TTC28: variants seen among roughly 807,000 people sequenced by gnomAD.
TTC28 encodes the protein tetratricopeptide repeat protein 28.
In TTC28, 61 loss-of-function variants were observed where a neutral mutation model predicts 198.0. That is an observed-to-expected ratio of 0.31 (90% CI 0.25 to 0.38). TTC28 has a LOEUF of 0.38. Among genes scored for constraint, TTC28 ranks in the 10% least tolerant of loss-of-function variants. The pLI is 1.00. For synonymous variants in TTC28, 1,171 were observed against 1,297.8 expected, an observed-to-expected ratio of 0.90 and a Z score of 2.10; for missense variants, 2,678 against 3,164.0, an observed-to-expected ratio of 0.85 and a Z score of 3.69.
chr22:28,350,825 C>T (rs778209593), intron 2 of TTC28, among the ~76,000 whole-genome samples: 1 of 152,170 alleles, frequency 6.6e-6, no homozygotes, highest in Non-Finnish European at 1.5e-5. Flanking sequence ...TCTATGCACA[C>T]ATAGAAAACC....
At chr22:28,521,468 G>A (rs893146760) in intron 2 of TTC28, among the ~76,000 whole-genome samples, 6 of 152,056 alleles carry the variant, frequency 3.9e-5, no homozygotes, top group Admixed American at 1.3e-4. Flanking sequence ...AAGCAGCTAC[G>A]ATTAGAAAAG....
intron 2 of TTC28, among the ~76,000 whole-genome samples, chr22:28,540,930 C>T (rs933368430): frequency 6.6e-6 from 1 of 152,166 alleles, no homozygotes. Context: ...CAAATGGAAT[C>T]ATCTCACTCC....
chr22:28,451,735 A>G (rs117010837), intron 2 of TTC28, among the ~76,000 whole-genome samples: 2,198 of 152,292 alleles, frequency 0.014, 31 homozygotes, highest in Non-Finnish European at 0.02. Flanking sequence ...TAACAATGCT[A>G]TGACTATGTT....
At chr22:28,442,955 G>C (rs936334963) in intron 2 of TTC28, 1 of 152,628 alleles carries the variant, frequency 6.6e-6, no homozygotes, top group African/African-American at 2.4e-5. Flanking sequence ...GTTGGCTGGG[G>C]GCTGGGGGCA....
At chr22:28,257,244 T>A (rs1040822533) in intron 5 of TTC28, among the ~76,000 whole-genome samples, 3 of 152,124 alleles carry the variant, frequency 2.0e-5, no homozygotes, top group African/African-American at 7.2e-5. Flanking sequence ...GTAATCCCAC[T>A]ATTGGGTATA....
chr22:28,398,974 G>C (rs2046858406), intron 2 of TTC28, among the ~76,000 whole-genome samples: 2 of 150,410 alleles, frequency 1.3e-5, no homozygotes, highest in Admixed American at 1.3e-4. Context: ...CTTAAACATG[G>C]ACTACAGAAA....
At chr22:28,419,413 T>G (rs1418138176) in intron 2 of TTC28, among the ~76,000 whole-genome samples, 1 of 152,208 alleles carries the variant, frequency 6.6e-6, no homozygotes, top group Non-Finnish European at 1.5e-5. Flanking sequence ...TTAACCTCTT[T>G]AATAAATAAA....
chr22:28,120,870 G>GA (rs3091351), intron 6 of TTC28, among the ~76,000 whole-genome samples: 10,915 of 152,204 alleles, frequency 0.072, 454 homozygotes, highest in South Asian at 0.094. Context: ...ACACTGGATG[G>GA]AAATTCAAAC....
intron 2 of TTC28, among the ~76,000 whole-genome samples, chr22:28,513,794 T>C (rs1259709025): frequency 2.6e-5 from 4 of 152,124 alleles, no homozygotes; most frequent in African/African-American, 9.7e-5. Context: ...ATGTTTCTTA[T>C]ATGTATATAT....
At chr22:28,396,562 C>A (rs187705401) in intron 2 of TTC28, among the ~76,000 whole-genome samples, 4 of 152,258 alleles carry the variant, frequency 2.6e-5, no homozygotes, top group Non-Finnish European at 5.9e-5. Context: ...ATCATTTTCC[C>A]TTTGCCCTTT....
intron 2 of TTC28, among the ~76,000 whole-genome samples, chr22:28,430,684 T>C (rs1356309224): frequency 6.6e-6 from 1 of 152,022 alleles, no homozygotes; most frequent in Non-Finnish European, 1.5e-5. Flanking sequence ...CCAAATAAAA[T>C]CCCATCATTT....
At chr22:28,347,394 T>G (rs1327306293) in intron 2 of TTC28, among the ~76,000 whole-genome samples, 3 of 152,156 alleles carry the variant, frequency 2.0e-5, no homozygotes, top group African/African-American at 7.2e-5. Flanking sequence ...TCTATTAAAT[T>G]TCATATTTCA....
intron 1 of TTC28, among the ~76,000 whole-genome samples, chr22:28,644,212 A>C (rs1054817665): frequency 1.3e-5 from 2 of 151,736 alleles, no homozygotes; most frequent in Non-Finnish European, 2.9e-5. Context: ...ATCCTGGCTA[A>C]CACGGTGAAA....
chr22:28,528,197 A>G (rs928793810), intron 2 of TTC28, among the ~76,000 whole-genome samples: 5 of 152,202 alleles, frequency 3.3e-5, no homozygotes, highest in Non-Finnish European at 7.3e-5. Context: ...TCTTTTCTTC[A>G]GTTTCATAAA....
intron 2 of TTC28, among the ~76,000 whole-genome samples, chr22:28,415,160 G>A (rs1055574924): frequency 1.3e-5 from 2 of 151,816 alleles, no homozygotes; most frequent in African/African-American, 4.8e-5. Context: ...ATGAGAGGAG[G>A]GTCTGCTGTA....
At chr22:28,500,253 G>A (rs1389882442) in intron 2 of TTC28, among the ~76,000 whole-genome samples, 1 of 152,068 alleles carries the variant, frequency 6.6e-6, no homozygotes, top group Non-Finnish European at 1.5e-5. Flanking sequence ...TGCCAGTTGT[G>A]AACACTTCAT....
chr22:28,043,373 C>G (rs1044652348), intron 12 of TTC28, among the ~76,000 whole-genome samples: 1 of 151,582 alleles, frequency 6.6e-6, no homozygotes, highest in Non-Finnish European at 1.5e-5. Flanking sequence ...CTTGGCCTGT[C>G]AGATTCCTTT....
intron 1 of TTC28, among the ~76,000 whole-genome samples, chr22:28,675,429 TA>T (rs2051966741): frequency 6.6e-6 from 1 of 151,942 alleles, no homozygotes; most frequent in Non-Finnish European, 1.5e-5. Context: ...TCCTCAAAAT[TA>T]AAAACTTTTT....
At chr22:28,615,035 C>T (rs2050878843) in intron 2 of TTC28, among the ~76,000 whole-genome samples, 2 of 152,006 alleles carry the variant, frequency 1.3e-5, no homozygotes, top group Admixed American at 1.3e-4. Flanking sequence ...AAAATTTTTG[C>T]AATCTATCCA....
Sources: allele counts gnomAD v4.1 joint callset (sites outside exome capture counted in the v4.1 genomes callset), GRCh38; gene constraint gnomAD v4.1.1; transcripts MANE v1.5; gene names NCBI Gene and HGNC (gene_info 2026-07-23, HGNC 2026-07-21).